Variants in RAB33A observed in about 807,000 individuals in gnomAD.
RAB33A encodes the protein ras-related protein Rab-33A.
In RAB33A, 6 loss-of-function variants were observed where a neutral mutation model predicts 12.0. That is an observed-to-expected ratio of 0.50 (90% CI 0.27 to 0.99). RAB33A has a LOEUF of 0.99. Among genes scored for constraint, RAB33A ranks in the 50% least tolerant of loss-of-function variants. The probability of loss-of-function intolerance (pLI) is 0.11; values close to 1 mark genes in which losing one functional copy is unlikely to be tolerated. For missense variants in RAB33A, 109 were observed against 192.0 expected (o/e 0.57, Z 2.55); for synonymous variants, 70 against 82.4 (o/e 0.85, Z 0.81).
chrX:130,178,163 T>G (rs1013835176), intron 1 of RAB33A, among the ~76,000 whole-genome samples: 1 of 106,230 alleles, frequency 9.4e-6, no homozygotes, highest in Non-Finnish European at 1.9e-5. Flanking sequence ...AAAAAAAATA[T>G]GAAAATTAGT....
the RAB33A span, among the ~76,000 whole-genome samples, chrX:130,133,850 T>C: frequency 9.2e-6 from 1 of 108,787 alleles, no homozygotes; most frequent in Non-Finnish European, 1.9e-5. Flanking sequence ...CAGGCTGGTT[T>C]TGAACTCCTG....
chrX:130,120,703 G>T, the RAB33A span, among the ~76,000 whole-genome samples: 1 of 112,312 alleles, frequency 8.9e-6, no homozygotes, highest in East Asian at 2.8e-4. Context: ...CGCCAGTGGG[G>T]TGGGAGCGCG....
At chrX:130,145,082 C>CA in the RAB33A span, among the ~76,000 whole-genome samples, 12 of 112,529 alleles carry the variant, frequency 1.1e-4, no homozygotes, top group South Asian at 2.2e-3. Flanking sequence ...CCTTATTACT[C>CA]AGACACTCAC....
the RAB33A span, chrX:130,131,784 G>A: frequency 9.1e-6 from 11 of 1,210,218 alleles, no homozygotes; most frequent in African/African-American, 1.2e-4. Context: ...AGCCAACATC[G>A]GGGCCCAAAT....
At chrX:130,141,961 C>T in the RAB33A span, among the ~76,000 whole-genome samples, 439 of 111,755 alleles carry the variant, frequency 3.9e-3, 1 homozygote, top group African/African-American at 0.013. Context: ...TTGCCAGTAC[C>T]TTTAATTCCC....
the RAB33A span, among the ~76,000 whole-genome samples, chrX:130,111,061 C>G: frequency 9.6e-6 from 1 of 104,660 alleles, no homozygotes; most frequent in African/African-American, 3.5e-5. Flanking sequence ...CAGCGCCCGT[C>G]CGCCCCGGCC....
chrX:130,150,907 G>A, the RAB33A span, among the ~76,000 whole-genome samples: 1 of 92,187 alleles, frequency 1.1e-5, no homozygotes, highest in Admixed American at 1.3e-4. Context: ...CCCAGGAGGT[G>A]GAGGTTGCAG....
the RAB33A span, among the ~76,000 whole-genome samples, chrX:130,135,767 G>A: frequency 8.9e-6 from 1 of 111,943 alleles, no homozygotes; most frequent in Admixed American, 9.5e-5. Context: ...ATGCCCACCA[G>A]GGGTTATGCC....
chrX:130,171,351 G>A (rs1338999625), upstream of RAB33A, among the ~76,000 whole-genome samples: 3 of 112,295 alleles, frequency 2.7e-5, no homozygotes, highest in Admixed American at 9.3e-5. Flanking sequence ...CGGGGACCGG[G>A]AAGGCGCGGC....
chrX:130,181,259 C>T (rs1201511362), intron 1 of RAB33A, among the ~76,000 whole-genome samples: 2 of 110,379 alleles, frequency 1.8e-5, no homozygotes, highest in Non-Finnish European at 1.9e-5. Flanking sequence ...AACTGATATT[C>T]GGAATGATGA....
At chrX:130,118,661 G>C in the RAB33A span, among the ~76,000 whole-genome samples, 1 of 112,204 alleles carries the variant, frequency 8.9e-6, no homozygotes, top group African/African-American at 3.2e-5. Context: ...TTTTGAGGAA[G>C]CCATCCAACT....
upstream of RAB33A, among the ~76,000 whole-genome samples, chrX:130,167,348 G>T (rs2031549610): frequency 8.9e-6 from 1 of 112,487 alleles, no homozygotes; most frequent in African/African-American, 3.2e-5. Context: ...TGTCTTAGAG[G>T]AAGCACCATG....
In RAB33A at chrX:130,184,274, G is replaced by A. The variant is rs775745782; in HGVS notation, c.259-11G>A. 1 of 1,197,939 alleles carries A rather than the reference G, an allele frequency of 8.3e-7. No homozygotes were observed. Among genetic ancestry groups the A allele is most frequent in the South Asian group, 1.8e-5 (1 of 55,033 alleles). On this transcript the variant is annotated splice_polypyrimidine_tract_variant and intron_variant, in intron 1 of 1. Coordinates refer to ENST00000257017, the MANE Select transcript of RAB33A (RefSeq NM_004794.3). ...TTTCTGACTCCACCTTTGGGTTTTT[G>A]TATCTTCCAGGTTCAGGTGTGGGAC... is the stretch of plus-strand genomic sequence containing the variant.
At chrX:130,168,101 T>C (rs182348), upstream of RAB33A, among the ~76,000 whole-genome samples, 53,033 of 108,045 alleles carry the variant, frequency 0.49, 10,299 homozygotes, top group African/African-American at 0.69. Flanking sequence ...CACTTGAGCC[T>C]AGGAGATCGA....
At chrX:130,156,351 C>T in the RAB33A span, 2 of 1,067,486 alleles carry the variant, frequency 1.9e-6, no homozygotes, top group Non-Finnish European at 2.6e-6. Flanking sequence ...GAAAATTTTT[C>T]CAAAAGGAGA....
the RAB33A span, chrX:130,149,573 G>A: frequency 4.7e-5 from 55 of 1,163,136 alleles, no homozygotes; most frequent in South Asian, 2.0e-4. Context: ...GTAGGCCTGC[G>A]GATCCAAACA....
the RAB33A span, among the ~76,000 whole-genome samples, chrX:130,124,472 A>G: frequency 8.9e-6 from 1 of 112,133 alleles, no homozygotes. Context: ...CCCCCAACAC[A>G]AGACACAACT....
the RAB33A span, among the ~76,000 whole-genome samples, chrX:130,127,544 A>G: frequency 9.0e-6 from 1 of 110,826 alleles, no homozygotes; most frequent in Admixed American, 9.7e-5. Context: ...ACAAAACTGT[A>G]TACAACACTA....
chrX:130,164,343 T>C, the RAB33A span, among the ~76,000 whole-genome samples: 1 of 112,440 alleles, frequency 8.9e-6, no homozygotes, highest in Non-Finnish European at 1.9e-5. Context: ...ATAACTCAAA[T>C]ACACCTATCA....
Sources: gnomAD v4.1 joint callset for allele counts (sites outside exome capture counted in the v4.1 genomes callset) on GRCh38, gnomAD v4.1.1 for gene constraint, MANE v1.5 for transcripts, NCBI Gene and HGNC (gene_info 2026-07-23, HGNC 2026-07-21) for gene names.